FBXL14: variants seen among roughly 807,000 people sequenced by gnomAD.
FBXL14 encodes F-box/LRR-repeat protein 14.
FBXL14 carries 11 observed loss-of-function variants against 24.5 expected under a neutral mutation model. The observed-to-expected ratio is 0.45, with a 90% CI of 0.28 to 0.74. The LOEUF (loss-of-function observed/expected upper bound fraction) is 0.74. Among genes scored for constraint, FBXL14 ranks in the 30% least tolerant of loss-of-function variants. The pLI, the probability that FBXL14 is intolerant of heterozygous loss-of-function variation, is 0.12. For synonymous variants in FBXL14, 294 were observed against 240.4 expected (o/e 1.22, Z -2.06); for missense variants, 384 against 545.6 (o/e 0.70, Z 2.95).
In FBXL14 at chr12:1,592,863, C is replaced by G. The variant is rs200891221; in HGVS notation, c.1194+10G>C. The G allele has an allele frequency of 1.4e-4, 210 of 1,551,646 alleles. No individual in the cohort carries two copies. Among genetic ancestry groups the G allele is most frequent in the Non-Finnish European group, 1.8e-4 (203 of 1,145,316 alleles). ...GACAAGGGGAGCTGGTGCTGCCGCC[C>G]TCACCTGACCTTCTCACTGTCCGTC... On this transcript the variant is annotated intron_variant, in intron 1 of 1. Transcript: ENST00000339235.
chr12:1,567,713 C>T lies in FBXL14; in HGVS notation c.1195-903G>A, dbSNP rs571451561. On this transcript the variant is annotated intron_variant, in intron 1 of 1. Transcript: ENST00000339235. The surrounding 1 kb of genome is among the most constrained non-coding windows in gnomAD (Gnocchi z 4.8). Reference sequence around the variant, plus strand: ...AGGGAGATGGGAATCTAAGAAAAAACCAAATGAAGTGACAGAGAGCAAAGC... The same window carrying T: ...AGGGAGATGGGAATCTAAGAAAAAATCAAATGAAGTGACAGAGAGCAAAGC... 1.3e-5 allele frequency among the ~76,000 whole-genome samples: 2 copies of T among 152,096 alleles called. No individual in the cohort carries two copies. The highest frequency in any genetic ancestry group is 6.5e-5 in the Admixed American group (1 of 15,274).
At chr12:1,591,628 C>G (rs899941376) in intron 1 of FBXL14, among the ~76,000 whole-genome samples, 2 of 152,086 alleles carry the variant, frequency 1.3e-5, no homozygotes, top group African/African-American at 2.4e-5. Flanking sequence ...AAGTCCCAAC[C>G]CCCACCAAAA....
At chr12:1,588,848 A>G (rs774068474) in intron 1 of FBXL14, among the ~76,000 whole-genome samples, 1 of 151,910 alleles carries the variant, frequency 6.6e-6, no homozygotes, top group Non-Finnish European at 1.5e-5. Flanking sequence ...TGTACTATCA[A>G]TTCATGTCCT....
In FBXL14 at chr12:1,594,386, G is replaced by T. The variant is rs1156817116; in HGVS notation, c.-320C>A. ...GGAGGCCGGCCGCCGCCGCCGCCTC[G>T]GCTCTACCCACGCCGCGCCCGGGCC... On this transcript the variant is annotated 5_prime_UTR_variant, in exon 1 of 2. Transcript: ENST00000339235. Among the ~76,000 whole-genome samples, 2 of 145,938 alleles carry T rather than the reference G, an allele frequency of 1.4e-5. No homozygotes were observed. Among genetic ancestry groups the T allele is most frequent in the East Asian group, 4.0e-4 (2 of 5,058 alleles).
At chr12:1,586,764 G>A (rs149521219) in intron 1 of FBXL14, among the ~76,000 whole-genome samples, 3 of 152,310 alleles carry the variant, frequency 2.0e-5, no homozygotes, top group African/African-American at 7.2e-5. Flanking sequence ...ATTGTGTTAT[G>A]ACTGAGTTCT....
chr12:1,582,763 C>A (rs1027279138), intron 1 of FBXL14, among the ~76,000 whole-genome samples: 14 of 152,182 alleles, frequency 9.2e-5, no homozygotes, highest in Admixed American at 7.9e-4. Flanking sequence ...GTAGAAGCAT[C>A]TGCAGGGGAT....
At chr12:1,576,251 G>A (rs987661588) in intron 1 of FBXL14, among the ~76,000 whole-genome samples, 1 of 152,138 alleles carries the variant, frequency 6.6e-6, no homozygotes. Flanking sequence ...AGACTAAACC[G>A]ACCAGAGCAG....
In FBXL14 at chr12:1,577,235, C is replaced by T. The variant is rs1002406163; in HGVS notation, c.1195-10425G>A. On this transcript the variant is annotated intron_variant, in intron 1 of 1. Transcript: ENST00000339235. ...CTTCATTTCATGATCGTATACAAAT[C>T]GAGAGCAAGAGTCTCCTAGCCGCGC... Among the ~76,000 whole-genome samples the T allele has an allele frequency of 5.3e-5, 8 of 152,162 alleles. No homozygotes were observed. The East Asian group carries it at 9.6e-4, about 18-fold the overall frequency.
In FBXL14 at chr12:1,566,473, A is replaced by G. The variant is rs573111299; in HGVS notation, c.*275T>C. On this transcript the variant is annotated 3_prime_UTR_variant, in exon 2 of 2. Transcript: ENST00000339235. The stretch of plus-strand genomic sequence containing the variant: ...AGCTTGCAAATTGCAATTCCATCCT[A>G]GCAAGTAAAAAGCTGAACAGACTGA... 2.7e-4 allele frequency: 97 copies of G among 358,230 alleles called. No homozygotes were observed. Among genetic ancestry groups the G allele is most frequent in the African/African-American group, 1.6e-3 (76 of 48,030 alleles). The allele number at this position is 358,230 out of a possible 1,614,324, so 22.2% of individuals were successfully genotyped here. A position where few individuals can be genotyped will look rare whatever the true frequency, so the allele number is the denominator to read the frequency against.
chr12:1,588,254 C>G (rs1448878813), intron 1 of FBXL14, among the ~76,000 whole-genome samples: 1 of 152,120 alleles, frequency 6.6e-6, no homozygotes, highest in Non-Finnish European at 1.5e-5. Flanking sequence ...TTCTCTAAGT[C>G]AAAAGTGAAA....
chr12:1,582,941 A>G (rs2094469513), intron 1 of FBXL14, among the ~76,000 whole-genome samples: 1 of 152,084 alleles, frequency 6.6e-6, no homozygotes, highest in Non-Finnish European at 1.5e-5. Flanking sequence ...ATTGGCTCAG[A>G]AGTTATTTTT....
In FBXL14 at chr12:1,593,470, C is replaced by A; in HGVS notation, c.597G>T (p.Glu199Asp). The change falls in exon 1 of 2, where the codon GAG becomes GAT. Residue 199 changes from glutamate to aspartate, a missense_variant. Transcript: ENST00000339235. This position sits in a 1 kb window ranked among gnomAD's most constrained non-coding sequence, Gnocchi z 7.4. ...TGAGCTGCTCCAGGCCCAGGCAGCC[C>A]TCCGCCGCGCTGCGCGTCATGCCGG... is the stretch of plus-strand genomic sequence containing the variant. ...HLAGMTRSAA[E>D]GCLGLEQLTL... 3 of 1,613,872 alleles carry A rather than the reference C, an allele frequency of 1.9e-6. No homozygotes were observed. Among genetic ancestry groups the A allele is most frequent in the Non-Finnish European group, 2.5e-6 (3 of 1,179,998 alleles).
At chr12:1,575,727 C>T (rs1030851265) in intron 1 of FBXL14, among the ~76,000 whole-genome samples, 15 of 152,122 alleles carry the variant, frequency 9.9e-5, no homozygotes, top group South Asian at 8.3e-4. Context: ...TAGGAAGGCA[C>T]CTGGTGGTTT....
chr12:1,585,264 G>A (rs1456086648), intron 1 of FBXL14, among the ~76,000 whole-genome samples: 1 of 152,194 alleles, frequency 6.6e-6, no homozygotes, highest in African/African-American at 2.4e-5. Context: ...CGGGCGTGGT[G>A]GCAGGTGCCT....
At chr12:1,580,717 C>T (rs563764941) in intron 1 of FBXL14, among the ~76,000 whole-genome samples, 1 of 152,174 alleles carries the variant, frequency 6.6e-6, no homozygotes, top group South Asian at 2.1e-4. Flanking sequence ...GATTTTTTCC[C>T]ATCAAAAGGG....
At position 1,593,746 on chromosome 12, in the gene FBXL14, C is replaced by T. The variant is rs35466364; in HGVS notation, c.321G>A (p.Gly107=). The part of the protein sequence containing the change: ...LSGCYNLTDN[G]LGHAFVQEIG... Reference sequence around the variant, plus strand: ...TCTCCTGCACAAACGCGTGGCCCAGCCCGTTGTCGGTGAGGTTGTAGCAGC... The same window carrying T: ...TCTCCTGCACAAACGCGTGGCCCAGTCCGTTGTCGGTGAGGTTGTAGCAGC... Residue 107 remains glycine (G), a synonymous_variant, in exon 1 of 2, where the codon GGG becomes GGA. Transcript: ENST00000339235. This position sits in a 1 kb window ranked among gnomAD's most constrained non-coding sequence, Gnocchi z 7.4. 0.04 allele frequency: 64,583 copies of T among 1,614,130 alleles called. 1,513 individuals are homozygous for T. Among genetic ancestry groups the T allele is most frequent in the Middle Eastern group, 0.061 (372 of 6,062 alleles).
At position 1,593,702 on chromosome 12, in the gene FBXL14, A is replaced by C; in HGVS notation, c.365T>G (p.Leu122Arg). The change falls in exon 1 of 2, where the codon CTC becomes CGC. Residue 122 changes from leucine (L) to arginine (R), a missense_variant. Physicochemically the swap from Leu to Arg is moderately radical, Grantham distance 102 (BLOSUM62 -2). Coordinates refer to ENST00000339235, the MANE Select transcript of FBXL14 (RefSeq NM_152441.3). The surrounding 1 kb of genome is among the most constrained non-coding windows in gnomAD (Gnocchi z 7.4). ...FVQEIGSLRALNLSLCKQITD... is the reference protein window; with the variant it reads ...FVQEIGSLRARNLSLCKQITD... ...GATCTGCTTGCAGAGGCTCAGGTTG[A>C]GAGCGCGCAGGGAGCCGATCTCCTG... 1 of 1,614,138 alleles carries C rather than the reference A, an allele frequency of 6.2e-7. No homozygotes were observed. Among genetic ancestry groups the C allele is most frequent in the Non-Finnish European group, 8.5e-7 (1 of 1,180,018 alleles).
intron 1 of FBXL14, among the ~76,000 whole-genome samples, chr12:1,570,798 C>T (rs118085358): frequency 0.019 from 2,950 of 152,144 alleles, 38 homozygotes; most frequent in Middle Eastern, 0.075. Context: ...CGAGACCAAG[C>T]GGTAGTAATT....
chr12:1,587,250 A>C (rs995562786), intron 1 of FBXL14: 4 of 152,052 alleles, frequency 2.6e-5, no homozygotes, highest in Non-Finnish European at 5.9e-5. Context: ...TCTCAAAAAA[A>C]AAAAAAAAAA....
Sources: gnomAD v4.1 joint callset for allele counts (sites outside exome capture counted in the v4.1 genomes callset) on GRCh38, gnomAD v4.1.1 for gene constraint, Gnocchi (gnomAD v3.1) non-coding constraint, MANE v1.5 for transcripts, NCBI Gene and HGNC (gene_info 2026-07-23, HGNC 2026-07-21) for gene names.